Variants in RPH3A observed in about 807,000 individuals in gnomAD.
The protein encoded by RPH3A is rabphilin-3A.
In RPH3A, 48 loss-of-function variants were observed where a neutral mutation model predicts 102.2. The observed-to-expected ratio is 0.47, with a 90% CI of 0.37 to 0.60. RPH3A has a LOEUF of 0.60. Among genes scored for constraint, RPH3A ranks in the 20% least tolerant of loss-of-function variants. The probability of loss-of-function intolerance (pLI) is 0.00; values close to 1 mark genes in which losing one functional copy is unlikely to be tolerated. For synonymous variants in RPH3A, 310 were observed against 324.3 expected (o/e 0.96, Z 0.47); for missense variants, 781 against 910.1 (o/e 0.86, Z 1.83).
intron 5 of RPH3A, among the ~76,000 whole-genome samples, chr12:112,855,311 G>T (rs2042393181): frequency 6.6e-6 from 1 of 152,304 alleles, no homozygotes; most frequent in Middle Eastern, 3.4e-3. Context: ...TGCATATAGA[G>T]TACTTAGCAT....
At chr12:112,666,192 A>G (rs1566249560) in intron 1 of RPH3A, among the ~76,000 whole-genome samples, 2 of 152,214 alleles carry the variant, frequency 1.3e-5, no homozygotes, top group African/African-American at 2.4e-5. Flanking sequence ...ACAGGAAATT[A>G]TCTTGCTGCT....
Position 112,762,939 on chromosome 12 carries a change from G to C in RPH3A, c.-139-29204G>C, listed in dbSNP as rs1019275774. ...CTGATCGGACAGATTTGGGTCATGT[G>C]ACCATCCTCTAGGCAATCAGAGGGA... On this transcript the variant is annotated intron_variant, in intron 1 of 21. Coordinates refer to the RPH3A transcript ENST00000543106. Among the ~76,000 whole-genome samples, 3 of 152,326 alleles carry C rather than the reference G, an allele frequency of 2.0e-5. No homozygotes were observed. The East Asian group carries it at 5.8e-4, about 29-fold the overall frequency.
chr12:112,874,846 G>A, intron 10 of RPH3A: 1 of 504,664 alleles, frequency 2.0e-6, no homozygotes, highest in South Asian at 2.7e-5. Context: ...GGTGGAAGGA[G>A]GATTGTAGAA....
At chr12:112,729,121 T>C (rs1343286485) in intron 1 of RPH3A, among the ~76,000 whole-genome samples, 5 of 152,046 alleles carry the variant, frequency 3.3e-5, no homozygotes, top group Non-Finnish European at 7.4e-5. Flanking sequence ...CCAGTCTTAG[T>C]TGGTCTGATT....
chr12:112,868,065 C>T (rs1193914126), intron 7 of RPH3A: 2 of 183,616 alleles, frequency 1.1e-5, no homozygotes, highest in Non-Finnish European at 2.3e-5. Context: ...TCACCCTCTT[C>T]ACAACAACCA....
chr12:112,844,529 C>T (rs1205675770), intron 4 of RPH3A, among the ~76,000 whole-genome samples: 6 of 152,306 alleles, frequency 3.9e-5, no homozygotes, highest in African/African-American at 1.2e-4. Flanking sequence ...TGATTGCAGC[C>T]TTGTGAAATC....
rs747021786 is a variant in RPH3A, at chr12:112,887,779, C to A, written c.1437-18C>A. 6.2e-7 allele frequency: 1 copy of A among 1,612,200 alleles called. No homozygotes were observed. The highest frequency in any genetic ancestry group is 8.5e-7 in the Non-Finnish European group (1 of 1,178,874). On this transcript the variant is annotated intron_variant, in intron 16 of 21. Transcript: ENST00000389385. ...ATTTGTTCCTGTTTCTCTCTCTACC[C>A]CCTTGTGTTGGTGGCAGGATCTCCG...
intron 13 of RPH3A, among the ~76,000 whole-genome samples, chr12:112,878,262 G>A (rs2042842780): frequency 6.6e-6 from 1 of 152,102 alleles, no homozygotes; most frequent in South Asian, 2.1e-4. Context: ...ACTGGCTACT[G>A]CTCCTTCCAT....
At chr12:112,862,907 G>A (rs1031122208) in intron 5 of RPH3A, among the ~76,000 whole-genome samples, 16 of 151,968 alleles carry the variant, frequency 1.1e-4, no homozygotes, top group African/African-American at 9.7e-5. Flanking sequence ...GCGCTGTGAC[G>A]CCCAAGTCCC....
intron 1 of RPH3A, chr12:112,718,124 G>A (rs548509664): frequency 1.1e-4 from 16 of 152,284 alleles, no homozygotes; most frequent in African/African-American, 3.6e-4. Flanking sequence ...CCTACTAACT[G>A]TGCTGGCTAG....
intron 1 of RPH3A, among the ~76,000 whole-genome samples, chr12:112,689,874 CA>C (rs2040293670): frequency 6.6e-6 from 1 of 152,122 alleles, no homozygotes; most frequent in Non-Finnish European, 1.5e-5. Flanking sequence ...ACCTTAAGCT[CA>C]AAAATCTGTT....
chr12:112,621,691 T>C (rs935078416), intron 1 of RPH3A, among the ~76,000 whole-genome samples: 11 of 152,008 alleles, frequency 7.2e-5, no homozygotes, highest in Non-Finnish European at 4.4e-5. Flanking sequence ...AAGCTCGAAC[T>C]GGGTGGAGCC....
At chr12:112,811,688 G>A (rs982804719) in intron 2 of RPH3A, among the ~76,000 whole-genome samples, 1 of 152,148 alleles carries the variant, frequency 6.6e-6, no homozygotes, top group Non-Finnish European at 1.5e-5. Flanking sequence ...AAGGGTCACG[G>A]GTATTGATTT....
At chr12:112,881,378 T>G (rs1027116012) in intron 14 of RPH3A, among the ~76,000 whole-genome samples, 9 of 152,190 alleles carry the variant, frequency 5.9e-5, no homozygotes, top group Non-Finnish European at 1.0e-4. Context: ...TTCTGGGACA[T>G]GTCCTCCCAT....
intron 1 of RPH3A, among the ~76,000 whole-genome samples, chr12:112,586,044 T>A (rs1292006414): frequency 1.3e-5 from 2 of 152,142 alleles, no homozygotes; most frequent in Non-Finnish European, 2.9e-5. Flanking sequence ...TTACTTTTCA[T>A]ATGTAAAAAG....
chr12:112,578,385 A>G (rs544343733), intron 1 of RPH3A, among the ~76,000 whole-genome samples: 1 of 152,332 alleles, frequency 6.6e-6, no homozygotes, highest in African/African-American at 2.4e-5. Flanking sequence ...GGGCAAAACT[A>G]TAATTCCAGC....
chr12:112,758,448 G>A (rs1234986933), intron 1 of RPH3A, among the ~76,000 whole-genome samples: 2 of 152,182 alleles, frequency 1.3e-5, no homozygotes, highest in African/African-American at 4.8e-5. Context: ...TTCCATATGT[G>A]ACATCCAGGT....
chr12:112,692,511 G>A (rs2040313959), intron 1 of RPH3A, among the ~76,000 whole-genome samples: 1 of 152,134 alleles, frequency 6.6e-6, no homozygotes, highest in Non-Finnish European at 1.5e-5. Flanking sequence ...GTGCTCAACA[G>A]CCACTTGTGG....
intron 4 of RPH3A, chr12:112,842,016 G>T (rs2042156207): frequency 4.4e-6 from 2 of 456,042 alleles, no homozygotes; most frequent in Non-Finnish European, 8.8e-6. Flanking sequence ...TGGCTTTGAG[G>T]TGTCAAAGAG....
Sources: gnomAD v4.1 joint callset for allele counts (sites outside exome capture counted in the v4.1 genomes callset) on GRCh38, gnomAD v4.1.1 for gene constraint, MANE v1.5 for transcripts, NCBI Gene and HGNC (gene_info 2026-07-23, HGNC 2026-07-21) for gene names.